BLTP3B: variants seen among roughly 807,000 people sequenced by gnomAD.
The protein encoded by BLTP3B is bridge-like lipid transfer protein family member 3B.
the BLTP3B span, among the ~76,000 whole-genome samples, chr12:100,045,964 CAT>C: frequency 1.3e-5 from 2 of 152,296 alleles, no homozygotes; most frequent in Non-Finnish European, 2.9e-5. Flanking sequence ...AGCCAACAGA[CAT>C]ATGAAAAAAT....
the BLTP3B span, among the ~76,000 whole-genome samples, chr12:100,046,499 T>C: frequency 6.6e-6 from 1 of 151,044 alleles, no homozygotes; most frequent in Non-Finnish European, 1.5e-5. Flanking sequence ...TACCGCATGT[T>C]CTCACTCATA....
chr12:100,138,866 T>TAC, the BLTP3B span, among the ~76,000 whole-genome samples: 10,588 of 150,666 alleles, frequency 0.07, 391 homozygotes, highest in Middle Eastern at 0.15. Flanking sequence ...CACATACACA[T>TAC]ACACACACAC....
chr12:100,093,040 C>G, the BLTP3B span: 1 of 825,656 alleles, frequency 1.2e-6, no homozygotes, highest in African/African-American at 1.9e-5. Context: ...CTCCCAAATG[C>G]CCATAGGAAA....
At chr12:100,052,932 T>C in the BLTP3B span, among the ~76,000 whole-genome samples, 889 of 151,658 alleles carry the variant, frequency 5.9e-3, 8 homozygotes, top group African/African-American at 0.02. Context: ...TAGCTGGGAC[T>C]ACAGGCGTGT....
the BLTP3B span, among the ~76,000 whole-genome samples, chr12:100,062,978 A>T: frequency 4.6e-4 from 59 of 129,036 alleles, no homozygotes; most frequent in South Asian, 7.6e-4. Context: ...AAAAGAATTT[A>T]AAAAAAAAAA....
the BLTP3B span, among the ~76,000 whole-genome samples, chr12:100,130,996 AGAGAGAGAGAGAGAGAGAG>A: frequency 1.2e-3 from 128 of 106,876 alleles, 1 homozygote; most frequent in African/African-American, 5.3e-3. Flanking sequence ...AGAGAGAGAG[AGAGAGAGAGAGAGAGAGAG>A]AGAGAGAGAG....
chr12:100,049,798 G>A, the BLTP3B span, among the ~76,000 whole-genome samples: 2 of 152,092 alleles, frequency 1.3e-5, no homozygotes, highest in African/African-American at 4.8e-5. Flanking sequence ...CAAACAACTT[G>A]ATTAATGTGA....
chr12:100,048,757 A>AGAGAGAGAGT, the BLTP3B span, among the ~76,000 whole-genome samples: 1 of 133,226 alleles, frequency 7.5e-6, no homozygotes. Context: ...AGAGAGAGAG[A>AGAGAGAGAGT]GAGAGTGAGA....
the BLTP3B span, among the ~76,000 whole-genome samples, chr12:100,048,780 G>A: frequency 0.025 from 3,537 of 139,468 alleles, 68 homozygotes; most frequent in South Asian, 0.053. Context: ...GAGTGTGTGT[G>A]TGTGTGTGTG....
the BLTP3B span, among the ~76,000 whole-genome samples, chr12:100,071,514 A>G: frequency 6.6e-6 from 1 of 151,304 alleles, no homozygotes; most frequent in East Asian, 1.9e-4. Flanking sequence ...AAAAAAAAAA[A>G]AAAAGGAATT....
At chr12:100,118,947 C>T in the BLTP3B span, among the ~76,000 whole-genome samples, 1 of 151,886 alleles carries the variant, frequency 6.6e-6, no homozygotes, top group African/African-American at 2.4e-5. Context: ...ACTAAAAATA[C>T]AAAAATTAGC....
At chr12:100,055,342 C>T in the BLTP3B span, among the ~76,000 whole-genome samples, 19 of 152,120 alleles carry the variant, frequency 1.2e-4, no homozygotes, top group East Asian at 1.5e-3. Flanking sequence ...ACATGTAAGA[C>T]GCTTAAAATA....
chr12:100,102,157 T>G, the BLTP3B span, among the ~76,000 whole-genome samples: 1 of 149,284 alleles, frequency 6.7e-6, no homozygotes, highest in Non-Finnish European at 1.5e-5. Flanking sequence ...TCACCAAGGC[T>G]GGAGTGCAAT....
chr12:100,059,220 T>C, the BLTP3B span: 1 of 1,614,050 alleles, frequency 6.2e-7, no homozygotes, highest in East Asian at 2.2e-5. Context: ...AGCAGAAGTT[T>C]TAAGAGTGTT....
the BLTP3B span, chr12:100,084,715 TTATAG>T: frequency 6.7e-7 from 1 of 1,502,560 alleles, no homozygotes; most frequent in South Asian, 1.3e-5. Flanking sequence ...ATTTATTATA[TTATAG>T]TAATGCTTCC....
the BLTP3B span, among the ~76,000 whole-genome samples, chr12:100,138,874 C>T: frequency 6.6e-6 from 1 of 152,190 alleles, no homozygotes; most frequent in African/African-American, 2.4e-5. Context: ...CATACACACA[C>T]ACACACACAC....
At chr12:100,069,987 G>C in the BLTP3B span, 1 of 1,214,894 alleles carries the variant, frequency 8.2e-7, no homozygotes, top group Non-Finnish European at 1.0e-6. Context: ...TGCAATAACA[G>C]ACAATGGCCG....
the BLTP3B span, chr12:100,059,294 A>G: frequency 3.7e-6 from 6 of 1,614,066 alleles, no homozygotes; most frequent in Admixed American, 6.7e-5. Context: ...CTTGTTCATG[A>G]GCATGTCTCT....
the BLTP3B span, among the ~76,000 whole-genome samples, chr12:100,061,588 T>C: frequency 1.5e-5 from 2 of 136,002 alleles, no homozygotes; most frequent in African/African-American, 2.9e-5. Flanking sequence ...ACCTGGGAGG[T>C]GGAGCTTGCA....
Sources: gnomAD v4.1 joint callset for allele counts (sites outside exome capture counted in the v4.1 genomes callset) on GRCh38, gnomAD v4.1.1 for gene constraint, MANE v1.5 for transcripts, NCBI Gene and HGNC (gene_info 2026-07-23, HGNC 2026-07-21) for gene names.